SPATA9: variants seen among roughly 807,000 people sequenced by gnomAD.
SPATA9 encodes spermatogenesis associated 9, also known as spermatogenesis-associated protein 9.
A neutral mutation model predicts 25.5 loss-of-function variants in SPATA9; 27 were observed. That is an observed-to-expected ratio of 1.06 (90% confidence interval 0.78 to 1.46). SPATA9 has a LOEUF of 1.46. SPATA9 is among the 40% of genes most tolerant of loss of function. The pLI, the probability that SPATA9 is intolerant of heterozygous loss-of-function variation, is 0.00. For missense variants in SPATA9, 282 were observed against 297.5 expected, an observed-to-expected ratio of 0.95 and a Z score of 0.38; for synonymous variants, 102 against 105.7, an observed-to-expected ratio of 0.97 and a Z score of 0.21.
At chr5:95,690,517 G>A (rs1360566079) in intron 1 of SPATA9, among the ~76,000 whole-genome samples, 1 of 152,120 alleles carries the variant, frequency 6.6e-6, no homozygotes, top group Non-Finnish European at 1.5e-5. Flanking sequence ...GGAAACTCAG[G>A]CCAGCTTGAG....
chr5:95,708,111 A>G, the SPATA9 span, among the ~76,000 whole-genome samples: 1 of 152,216 alleles, frequency 6.6e-6, no homozygotes, highest in Admixed American at 6.5e-5. Context: ...CCAGTTGAAC[A>G]TGTTTTGATA....
chr5:95,724,680 G>A, the SPATA9 span, among the ~76,000 whole-genome samples: 3 of 152,238 alleles, frequency 2.0e-5, no homozygotes, highest in South Asian at 6.2e-4. Context: ...TGGCCAGGCT[G>A]GTTTCGAACG....
chr5:95,673,911 T>C (rs546942550), intron 3 of SPATA9, among the ~76,000 whole-genome samples: 1 of 152,214 alleles, frequency 6.6e-6, no homozygotes, highest in Admixed American at 6.5e-5. Context: ...TGGCTAATAT[T>C]GTATTTTTAG....
chr5:95,678,887 C>T (rs1753179897), intron 2 of SPATA9, among the ~76,000 whole-genome samples: 1 of 152,136 alleles, frequency 6.6e-6, no homozygotes, highest in Non-Finnish European at 1.5e-5. Flanking sequence ...CCAATCTCAG[C>T]AACACATTCT....
chr5:95,682,261 G>A lies in SPATA9; in HGVS notation c.150+267C>T, dbSNP rs1015060858. Among the ~76,000 whole-genome samples the A allele has an allele frequency of 2.0e-5, 3 of 152,102 alleles. No individual in the cohort carries two copies. The East Asian group carries it at 5.8e-4, about 29-fold the overall frequency. On this transcript the variant is annotated intron_variant, in intron 2 of 4. Coordinates refer to ENST00000274432, the MANE Select transcript of SPATA9 (RefSeq NM_031952.4). ...GATTTTACATTGCAATTGTAGTGTT[G>A]AGAGACTGCCAGGTGTTTACCCTAA... is the stretch of plus-strand genomic sequence containing the variant.
At position 95,675,541 on chromosome 5, in the gene SPATA9, G is replaced by A. The variant is rs1752846855; in HGVS notation, c.249C>T (p.Ser83=). The A allele has an allele frequency of 6.2e-7, 1 of 1,613,988 alleles. No homozygotes were observed. The highest frequency in any genetic ancestry group is 1.1e-5 in the South Asian group (1 of 91,086). ...ATLIRGLNSI[S]RSSKSVAKLL... is the part of the protein sequence containing the mutation. Reference sequence around the variant, plus strand: ...GTTTGGCCACTGATTTGGAGGATCTGGATATGCTGTTTAATCCACGAATTA... The same window carrying A: ...GTTTGGCCACTGATTTGGAGGATCTAGATATGCTGTTTAATCCACGAATTA... Residue 83 remains serine, a synonymous_variant, in exon 3 of 5, where the codon TCC becomes TCT. Coordinates refer to ENST00000274432, the MANE Select transcript of SPATA9 (RefSeq NM_031952.4).
chr5:95,731,548 G>A, the SPATA9 span: 51 of 1,435,622 alleles, frequency 3.6e-5, 1 homozygote, highest in African/African-American at 8.9e-5. Flanking sequence ...CGTCGGCCCC[G>A]CCGCGGTGGA....
chr5:95,656,310 T>TA (rs766898555), downstream of SPATA9: 9 of 1,595,020 alleles, frequency 5.6e-6, no homozygotes, highest in East Asian at 2.2e-5. Flanking sequence ...TTCTTCCTGA[T>TA]AAAAAATATA....
intron 3 of SPATA9, among the ~76,000 whole-genome samples, chr5:95,664,799 G>A (rs989674355): frequency 2.0e-5 from 3 of 152,206 alleles, no homozygotes; most frequent in Non-Finnish European, 4.4e-5. Context: ...TAAGAGCCAA[G>A]CAACTTAATG....
At chr5:95,714,626 G>A in the SPATA9 span, among the ~76,000 whole-genome samples, 2 of 151,626 alleles carry the variant, frequency 1.3e-5, no homozygotes, top group Non-Finnish European at 2.9e-5. Context: ...GTTGAGAAAT[G>A]AATGGCATTT....
At chr5:95,702,234 A>G (rs926033022), upstream of SPATA9, among the ~76,000 whole-genome samples, 2 of 152,058 alleles carry the variant, frequency 1.3e-5, no homozygotes, top group African/African-American at 4.8e-5. Flanking sequence ...ACACACACAC[A>G]CAATTTTTCA....
At chr5:95,670,635 C>T (rs539274989) in intron 3 of SPATA9, 3 of 155,560 alleles carry the variant, frequency 1.9e-5, no homozygotes, top group African/African-American at 7.2e-5. Flanking sequence ...CCACACAAAG[C>T]TCCATCTGAG....
chr5:95,676,397 A>G (rs2112651469), intron 2 of SPATA9, among the ~76,000 whole-genome samples: 1 of 152,292 alleles, frequency 6.6e-6, no homozygotes, highest in East Asian at 1.9e-4. Context: ...TGAATTTTTA[A>G]AGAGCTATTA....
chr5:95,731,533 C>T, the SPATA9 span: 19 of 1,382,796 alleles, frequency 1.4e-5, no homozygotes, highest in African/African-American at 2.6e-4. Flanking sequence ...CCCGGCCCCG[C>T]TCTGCGTCGG....
chr5:95,730,748 C>T, the SPATA9 span: 2 of 320,804 alleles, frequency 6.2e-6, no homozygotes, highest in Non-Finnish European at 1.3e-5. Flanking sequence ...AGTAAATAAT[C>T]CCCCCAAGGC....
chr5:95,731,918 C>G, the SPATA9 span: 541 of 1,614,104 alleles, frequency 3.4e-4, 4 homozygotes, highest in East Asian at 0.011. Context: ...GACAACCGGC[C>G]GTCGGGGCTT....
At chr5:95,731,623 C>A in the SPATA9 span, 2 of 1,607,704 alleles carry the variant, frequency 1.2e-6, no homozygotes, top group Non-Finnish European at 8.5e-7. Context: ...CCGGGGGCCC[C>A]GCGAAGCCGT....
the SPATA9 span, among the ~76,000 whole-genome samples, chr5:95,707,229 C>T: frequency 6.6e-6 from 1 of 151,920 alleles, no homozygotes; most frequent in African/African-American, 2.4e-5. Context: ...ATATTAGGAA[C>T]AAGGAAATCT....
At position 95,658,783 on chromosome 5, in the gene SPATA9, A is replaced by C; in HGVS notation, c.605T>G (p.Met202Arg). The C allele has an allele frequency of 6.2e-7, 1 of 1,613,976 alleles. No individual in the cohort carries two copies. Among genetic ancestry groups the C allele is most frequent in the Non-Finnish European group, 8.5e-7 (1 of 1,179,930 alleles). ...TGCTTTGATTTCACCTTCAGCAAAC[A>C]TAGGCTCCGAAAGCACAGGCTCAGA... ...AFSEPVLSEP[M>R]FAEGEIKAKP... The change falls in exon 5 of 5, where the codon ATG becomes AGG. Residue 202 changes from methionine (M) to arginine (R), a missense_variant. Coordinates refer to ENST00000274432, the MANE Select transcript of SPATA9 (RefSeq NM_031952.4).
Sources: gnomAD v4.1 joint callset for allele counts (sites outside exome capture counted in the v4.1 genomes callset) on GRCh38, gnomAD v4.1.1 for gene constraint, MANE v1.5 for transcripts, NCBI Gene and HGNC (gene_info 2026-07-23, HGNC 2026-07-21) for gene names.